PRTN3: variants seen among roughly 807,000 people sequenced by gnomAD.
PRTN3 encodes the protein proteinase 3, also known as myeloblastin.
In PRTN3, 22 loss-of-function variants were observed where a neutral mutation model predicts 20.7. The observed-to-expected ratio is 1.06, with a 90% CI of 0.76 to 1.52. The LOEUF (loss-of-function observed/expected upper bound fraction) is 1.52, where lower values mean the gene tolerates loss of function less well. PRTN3 is among the 40% of genes most tolerant of loss of function. PRTN3 has a pLI of 0.00. For missense variants in PRTN3, 378 were observed against 359.6 expected (o/e 1.05, Z -0.41); for synonymous variants, 173 against 152.9 (o/e 1.13, Z -0.97).
intron 1 of PRTN3, among the ~76,000 whole-genome samples, chr19:842,601 T>G (rs1193418061): frequency 7.1e-6 from 1 of 140,436 alleles, no homozygotes; most frequent in Non-Finnish European, 1.5e-5. Context: ...TTTTTTTTTT[T>G]TTTTTGAGAC....
At chr19:845,111 C>G (rs1289092352) in intron 3 of PRTN3, among the ~76,000 whole-genome samples, 1 of 151,948 alleles carries the variant, frequency 6.6e-6, no homozygotes, top group Non-Finnish European at 1.5e-5. Flanking sequence ...ACACGCTTGG[C>G]TAATTTTTGT....
intron 4 of PRTN3, among the ~76,000 whole-genome samples, chr19:847,094 C>A (rs545309511): frequency 1.3e-5 from 2 of 152,200 alleles, no homozygotes; most frequent in Middle Eastern, 3.4e-3. Context: ...TCTTTTGAGT[C>A]CAGGAGTTCA....
chr19:844,023 C>G lies in PRTN3; in HGVS notation c.358C>G (p.Leu120Val). The change falls in exon 3 of 5, where the codon CTC (leucine) becomes GTC (valine). Residue 120 changes from leucine (L) to valine (V), a missense_variant. Transcript: ENST00000234347. ...YDAENKLNDVLLIQLSSPANL... is the reference protein window; with the variant it reads ...YDAENKLNDVVLIQLSSPANL... The stretch of plus-strand genomic sequence containing the variant: ...CGCGGAGAACAAACTGAACGACGTT[C>G]TCCTCATCCAGGTGGGCGGGCAGGG... The G allele has an allele frequency of 6.2e-7, 1 of 1,604,260 alleles. No homozygotes were observed. Among genetic ancestry groups the G allele is most frequent in the Non-Finnish European group, 8.5e-7 (1 of 1,175,818 alleles).
intron 3 of PRTN3, among the ~76,000 whole-genome samples, chr19:845,791 C>T (rs928287693): frequency 2.0e-5 from 3 of 151,434 alleles, no homozygotes; most frequent in Non-Finnish European, 2.9e-5. Flanking sequence ...CACTTGTAAT[C>T]CCAGCACTTT....
At chr19:842,454 C>A (rs1345423123) in intron 1 of PRTN3, among the ~76,000 whole-genome samples, 1 of 100,214 alleles carries the variant, frequency 1.0e-5, no homozygotes, top group Non-Finnish European at 1.7e-5. Context: ...GAATCTCACT[C>A]TGTTGCCCAG....
rs140104242 is a variant in PRTN3, at chr19:841,019, G to A, written c.11G>A (p.Arg4Gln). ...ACCCTGGACCCCACCATGGCTCACC[G>A]GCCCCCCAGCCCTGCCCTGGCGTCC... MAH[R>Q]PPSPALASVL... Residue 4 changes from arginine (R) to glutamine (Q), a missense_variant, in exon 1 of 5, where the codon CGG (arginine) becomes CAG (glutamine). Physicochemically the swap from Arg to Gln is conservative, Grantham distance 43 (BLOSUM62 1). Transcript: ENST00000234347. 654 of 1,609,272 alleles carry A rather than the reference G, an allele frequency of 4.1e-4. 1 individual carries two copies. In the African/African-American group the frequency reaches 5.7e-3, roughly 14 times the overall value.
At chr19:843,796 G>A in intron 2 of PRTN3, 97 bp from the exon 3 acceptor site, 2 of 1,462,512 alleles carry the variant, frequency 1.4e-6, no homozygotes, top group African/African-American at 1.4e-5. Context: ...GGTCGCCGAG[G>A]GAGGGGTCTG....
chr19:845,414 A>G (rs886316004), intron 3 of PRTN3, among the ~76,000 whole-genome samples: 2 of 151,954 alleles, frequency 1.3e-5, no homozygotes, highest in Admixed American at 1.3e-4. Flanking sequence ...ATCTCAAAAA[A>G]AAAGTGCTTT....
Position 848,115 on chromosome 19 carries a change from C to G in PRTN3, c.*146C>G. 9.6e-7 allele frequency: 1 copy of G among 1,046,268 alleles called. No homozygotes were observed. The highest frequency in any genetic ancestry group is 1.3e-6 in the Non-Finnish European group (1 of 742,106). The allele number at this position is 1,046,268 out of a possible 1,614,324, so 64.8% of individuals were successfully genotyped here. The stretch of plus-strand genomic sequence containing the variant: ...CCCCCACACTCCCTCCCACGGGGCT[C>G]CGGGAGACAGGCCGGCCCTGCACCT... On this transcript the variant is annotated 3_prime_UTR_variant, in exon 5 of 5. Transcript: ENST00000234347.
intron 3 of PRTN3, among the ~76,000 whole-genome samples, chr19:844,814 G>T (rs2145129848): frequency 6.6e-6 from 1 of 152,116 alleles, no homozygotes; most frequent in Middle Eastern, 3.4e-3. Context: ...CTCAGTAAGT[G>T]CTTGGGGCTG....
At position 846,445 on chromosome 19, in the gene PRTN3, C is replaced by A. The variant is rs1396295710; in HGVS notation, c.600+68C>A. 14 of 1,422,896 alleles carry A rather than the reference C, an allele frequency of 9.8e-6. No individual in the cohort carries two copies. The Middle Eastern group carries it at 8.6e-4, about 87-fold the overall frequency. 88.1% of individuals were successfully genotyped at this position (1,422,896 alleles called of 1,614,324 possible). A position where few individuals can be genotyped will look rare whatever the true frequency, so the allele number is the denominator to read the frequency against. ...GGGGAGGAGGGCGGCGGCCAGGGTT[C>A]CACGCCACCTCTTAGCTGTGTGGCT... On this transcript the variant is annotated intron_variant, in intron 4 of 4. Transcript: ENST00000234347.
intron 3 of PRTN3, 72 bp from the exon 4 acceptor site, chr19:846,075 G>T (rs1360065339): frequency 4.2e-6 from 5 of 1,200,416 alleles, no homozygotes; most frequent in South Asian, 3.4e-5. Context: ...TGGTGGGTGT[G>T]GTGGGAGGGC....
In PRTN3 at chr19:844,031, C is replaced by G. The variant is rs769941290; in HGVS notation, c.366C>G (p.Ile122Met). ...ACAAACTGAACGACGTTCTCCTCATCCAGGTGGGCGGGCAGGGCCGCGAGG... is the reference window on the plus strand; with the variant it reads ...ACAAACTGAACGACGTTCTCCTCATGCAGGTGGGCGGGCAGGGCCGCGAGG... ...AENKLNDVLLIQLSSPANLSA... is the reference protein window; with the variant it reads ...AENKLNDVLLMQLSSPANLSA... Residue 122 changes from isoleucine to methionine, a missense_variant, in exon 3 of 5, where the codon ATC becomes ATG. Physicochemically the swap from Ile to Met is conservative, Grantham distance 10 (BLOSUM62 1). Coordinates refer to ENST00000234347, the MANE Select transcript of PRTN3 (RefSeq NM_002777.4). 1.9e-6 allele frequency: 3 copies of G among 1,602,442 alleles called. No homozygotes were observed. Among genetic ancestry groups the G allele is most frequent in the Middle Eastern group, 1.7e-4 (1 of 6,014 alleles).
chr19:846,471 T>C lies in PRTN3; in HGVS notation c.600+94T>C. 3.2e-6 allele frequency: 4 copies of C among 1,261,140 alleles called. No individual in the cohort carries two copies. The South Asian group carries it at 5.4e-5, about 17-fold the overall frequency. The allele number at this position is 1,261,140 out of a possible 1,614,324, so 78.1% of individuals were successfully genotyped here. ...CACGCCACCTCTTAGCTGTGTGGCT[T>C]CATGCTGTGCCTCAGTCTCCCCACC... On this transcript the variant is annotated intron_variant, in intron 4 of 4. Coordinates refer to ENST00000234347, the MANE Select transcript of PRTN3 (RefSeq NM_002777.4).
chr19:843,406 C>T, intron 1 of PRTN3, 55 bp from the exon 2 acceptor site: 2 of 1,476,246 alleles, frequency 1.4e-6, no homozygotes, highest in Non-Finnish European at 1.8e-6. Context: ...GCTCTGCCAT[C>T]CCCCCTTTCC....
At chr19:843,260 A>G in intron 1 of PRTN3, 1 of 581,698 alleles carries the variant, frequency 1.7e-6, no homozygotes, top group Non-Finnish European at 3.0e-6. Flanking sequence ...CAGGACTGAA[A>G]GCTGCCACCA....
chr19:846,100 C>T (rs1420104430), intron 3 of PRTN3, 47 bp from the exon 4 acceptor site: 14 of 1,382,874 alleles, frequency 1.0e-5, no homozygotes, highest in Non-Finnish European at 1.3e-5. Context: ...CGGGCGGCCA[C>T]CGTGACCTGG....
chr19:843,213 G>A (rs1219641277), intron 1 of PRTN3: 3 of 523,840 alleles, frequency 5.7e-6, no homozygotes, highest in East Asian at 6.6e-5. Context: ...ACTGCACCCA[G>A]CCACCTGGTC....
Position 841,089 on chromosome 19 carries a change from A to G in PRTN3, c.61+20A>G, listed in dbSNP as rs761216796. On this transcript the variant is annotated intron_variant, in intron 1 of 4. Transcript: ENST00000234347. ...TGAGCGGTGAGTGAGCCACGTGCCC[A>G]TCCATCCAGCCTCCAGGCCCCGGTG... 3 of 1,602,638 alleles carry G rather than the reference A, an allele frequency of 1.9e-6. No homozygotes were observed. Among genetic ancestry groups the G allele is most frequent in the Admixed American group, 1.7e-5 (1 of 59,826 alleles).
Sources: gnomAD v4.1 joint callset for allele counts (sites outside exome capture counted in the v4.1 genomes callset) on GRCh38, gnomAD v4.1.1 for gene constraint, MANE v1.5 for transcripts, NCBI Gene and HGNC (gene_info 2026-07-23, HGNC 2026-07-21) for gene names.